RASA1: variants seen among roughly 807,000 people sequenced by gnomAD.
The protein encoded by RASA1 is ras GTPase-activating protein 1.
In RASA1, 25 loss-of-function variants were observed where a neutral mutation model predicts 132.2. The ratio of observed to expected loss-of-function variants is 0.19; its 90% confidence interval spans 0.14 to 0.26. The LOEUF is 0.26. Among genes scored for constraint, RASA1 ranks in the 10% least tolerant of loss-of-function variants. The probability of loss-of-function intolerance (pLI) is 1.00; values close to 1 mark genes in which losing one functional copy is unlikely to be tolerated. For synonymous variants in RASA1, 477 were observed against 449.9 expected (o/e 1.06, Z -0.76); for missense variants, 964 against 1,299.2 (o/e 0.74, Z 3.97).
At chr5:87,353,881 A>G (rs1732622909) in intron 9 of RASA1, among the ~76,000 whole-genome samples, 1 of 152,118 alleles carries the variant, frequency 6.6e-6, no homozygotes. Flanking sequence ...TTTCTTCCTC[A>G]TTGCACTTTC....
At chr5:87,327,822 G>T in intron 1 of RASA1, among the ~76,000 whole-genome samples, 1 of 152,076 alleles carries the variant, frequency 6.6e-6, no homozygotes, top group South Asian at 2.1e-4. Flanking sequence ...AAAGTTAGCC[G>T]GATGTGGTGG....
chr5:87,297,385 A>G (rs1561263498), intron 1 of RASA1, among the ~76,000 whole-genome samples: 1 of 152,172 alleles, frequency 6.6e-6, no homozygotes, highest in Non-Finnish European at 1.5e-5. Flanking sequence ...GCCTTTAGTG[A>G]TGTAGTTATA....
At chr5:87,285,957 A>G (rs1210376907) in intron 1 of RASA1, among the ~76,000 whole-genome samples, 1 of 151,290 alleles carries the variant, frequency 6.6e-6, no homozygotes, top group Non-Finnish European at 1.5e-5. Flanking sequence ...CTAACCAGTT[A>G]TCTAGATTGT....
chr5:87,354,509 A>C (rs1400754694), intron 9 of RASA1, among the ~76,000 whole-genome samples: 2 of 152,136 alleles, frequency 1.3e-5, no homozygotes, highest in East Asian at 3.9e-4. Flanking sequence ...CGATAAATGT[A>C]GTGTATGTTC....
chr5:87,346,885 A>C (rs575537520), intron 7 of RASA1, among the ~76,000 whole-genome samples, 161 bp downstream of exon 7: 1 of 152,136 alleles, frequency 6.6e-6, no homozygotes, highest in South Asian at 2.1e-4. Flanking sequence ...TTTATATTTT[A>C]AACATACATG....
intron 10 of RASA1, 44 bp downstream of exon 10, chr5:87,362,715 G>C (rs2112457705): frequency 6.3e-7 from 1 of 1,579,994 alleles, no homozygotes; most frequent in Non-Finnish European, 8.7e-7. Context: ...TAGAGACGTT[G>C]TAAATATGGA....
intron 1 of RASA1, among the ~76,000 whole-genome samples, chr5:87,280,257 A>T (rs1029187075): frequency 6.6e-6 from 1 of 152,182 alleles, no homozygotes; most frequent in African/African-American, 2.4e-5. Context: ...CCCTCAGTCC[A>T]GTCAAGCTGA....
chr5:87,390,848 C>A lies in RASA1; in HGVS notation c.3109C>A (p.Gln1037Lys), dbSNP rs773083422. ...LAITELLQQK[Q>K]NQYTKTNDVR ...TATAACAGAACTGCTTCAACAAAAA[C>A]AAAACCAGTATACAAAAACCAATGA... Residue 1037 changes from glutamine to lysine, a missense_variant, in exon 25 of 25, where the codon CAA becomes AAA. Around this residue, in one of 6 missense-constraint regions of RASA1, gnomAD observed 107 missense variants for 163.8 expected, o/e 0.65. Coordinates refer to ENST00000274376, the MANE Select transcript of RASA1 (RefSeq NM_002890.3). 6.2e-7 allele frequency: 1 copy of A among 1,613,642 alleles called. No homozygotes were observed. Among genetic ancestry groups the A allele is most frequent in the South Asian group, 1.1e-5 (1 of 91,082 alleles).
intron 1 of RASA1, chr5:87,269,193 C>T (rs1250413333): frequency 1.9e-6 from 3 of 1,597,714 alleles, no homozygotes; most frequent in South Asian, 1.1e-5. Flanking sequence ...ACATTTATTG[C>T]TCCTCTGGGA....
chr5:87,388,322 G>A (rs1414697040), intron 23 of RASA1, among the ~76,000 whole-genome samples: 2 of 152,064 alleles, frequency 1.3e-5, no homozygotes, highest in Admixed American at 6.6e-5. Context: ...CCATTTTACT[G>A]GTAATCCAAG....
At chr5:87,351,602 T>C (rs1460740615) in intron 8 of RASA1, among the ~76,000 whole-genome samples, 2 of 151,832 alleles carry the variant, frequency 1.3e-5, no homozygotes, top group Non-Finnish European at 3.0e-5. Flanking sequence ...TTGAATATGC[T>C]TTAGTTTTCT....
At chr5:87,354,143 G>A (rs1759480632) in intron 9 of RASA1, among the ~76,000 whole-genome samples, 1 of 151,928 alleles carries the variant, frequency 6.6e-6, no homozygotes, top group African/African-American at 2.4e-5. Context: ...GGTGGGGGGT[G>A]GGGTGGGAGG....
intron 6 of RASA1, among the ~76,000 whole-genome samples, chr5:87,343,064 ATGTT>A (rs1473905148): frequency 2.0e-5 from 3 of 152,042 alleles, no homozygotes; most frequent in Admixed American, 6.6e-5. Flanking sequence ...TTTTATGTGT[ATGTT>A]TGTTCCCTTT....
Position 87,378,523 on chromosome 5 carries a change from C to T in RASA1, c.2472C>T (p.Ser824=). 1 of 1,610,262 alleles carries T rather than the reference C, an allele frequency of 6.2e-7. No homozygotes were observed. Among genetic ancestry groups the T allele is most frequent in the Non-Finnish European group, 8.5e-7 (1 of 1,176,686 alleles). The part of the protein sequence containing the change: ...LKDSILKIME[S]KQSCELSPSK... Reference sequence around the variant, plus strand: ...ACTCTATTTTAAAGATAATGGAAAGCAAGCAGTCTTGTGAGGTAAGAATTT... The same window carrying T: ...ACTCTATTTTAAAGATAATGGAAAGTAAGCAGTCTTGTGAGGTAAGAATTT... The change falls in exon 18 of 25, where the codon AGC becomes AGT. Residue 824 remains serine (S), a synonymous_variant. Coordinates refer to ENST00000274376, the MANE Select transcript of RASA1 (RefSeq NM_002890.3).
rs776162360 is a variant in RASA1 at position 87,268,856 on chromosome 5, C to T, written c.405C>T (p.Pro135=). ...AETLGPGGGF[P]PLPPPPYLPP... is the part of the protein sequence containing the mutation. ...CTCTCGGGCCAGGCGGCGGTTTTCC[C>T]CCTCTGCCCCCTCCCCCTTACCTGC... is the stretch of plus-strand genomic sequence containing the variant. The change falls in exon 1 of 25, where the codon CCC becomes CCT. Residue 135 remains proline, a synonymous_variant. Coordinates refer to ENST00000274376, the MANE Select transcript of RASA1 (RefSeq NM_002890.3). The T allele has an allele frequency of 1.2e-6, 2 of 1,614,176 alleles. No individual in the cohort carries two copies. The highest frequency in any genetic ancestry group is 1.7e-6 in the Non-Finnish European group (2 of 1,180,038).
intron 1 of RASA1, among the ~76,000 whole-genome samples, chr5:87,277,732 T>C (rs1754130215): frequency 6.6e-6 from 1 of 152,164 alleles, no homozygotes; most frequent in South Asian, 2.1e-4. Context: ...ATTAAATGCA[T>C]GTCTGCTGCT....
chr5:87,386,578 T>C (rs1386721380), intron 22 of RASA1, among the ~76,000 whole-genome samples: 3 of 152,094 alleles, frequency 2.0e-5, no homozygotes, highest in Non-Finnish European at 4.4e-5. Context: ...CTCCTCAGTA[T>C]AGCCATTTGC....
intron 1 of RASA1, chr5:87,331,057 A>AT (rs1757564214): frequency 1.5e-5 from 18 of 1,180,698 alleles, no homozygotes; most frequent in Non-Finnish European, 2.0e-5. Flanking sequence ...TAGTGTTTAT[A>AT]TTTTGAATAG....
chr5:87,375,806 C>T (rs1761284694), intron 15 of RASA1, among the ~76,000 whole-genome samples: 1 of 152,140 alleles, frequency 6.6e-6, no homozygotes, highest in South Asian at 2.1e-4. Context: ...TATGTATTAA[C>T]AGATCAAAGC....
Sources: allele counts gnomAD v4.1 joint callset (sites outside exome capture counted in the v4.1 genomes callset), GRCh38; gene constraint gnomAD v4.1.1; regional missense constraint gnomAD v4.1.1; transcripts MANE v1.5; gene names NCBI Gene and HGNC (gene_info 2026-07-23, HGNC 2026-07-21).